PDE11A: variants seen among roughly 807,000 people sequenced by gnomAD.
PDE11A encodes the protein dual 3',5'-cyclic-AMP and -GMP phosphodiesterase 11A.
In PDE11A, 100 loss-of-function variants were observed where a neutral mutation model predicts 100.5. The observed-to-expected ratio is 1.00, with a 90% confidence interval of 0.85 to 1.18. The LOEUF (loss-of-function observed/expected upper bound fraction) is 1.18, where lower values mean the gene tolerates loss of function less well. PDE11A is among the 50% of genes most tolerant of loss of function. The probability of loss-of-function intolerance (pLI) is 0.00; values close to 1 mark genes in which losing one functional copy is unlikely to be tolerated. For missense variants in PDE11A, 1,141 were observed against 1,152.6 expected, an observed-to-expected ratio of 0.99 and a Z score of 0.15; for synonymous variants, 381 against 420.8, an observed-to-expected ratio of 0.91 and a Z score of 1.16.
intron 5 of PDE11A, among the ~76,000 whole-genome samples, chr2:177,853,702 G>T (rs1253790137): frequency 0.012 from 438 of 36,156 alleles, 26 homozygotes; most frequent in East Asian, 0.048. Context: ...GTGTGTGTGT[G>T]TGTGTGTGTG....
At chr2:177,709,776 A>G (rs1425888487) in intron 13 of PDE11A, among the ~76,000 whole-genome samples, 1 of 152,154 alleles carries the variant, frequency 6.6e-6, no homozygotes. Context: ...AGTTTCAGGA[A>G]GGAGGGAGCG....
chr2:177,736,238 G>A (rs986099152), intron 10 of PDE11A, among the ~76,000 whole-genome samples: 4 of 152,290 alleles, frequency 2.6e-5, no homozygotes, highest in Middle Eastern at 6.8e-3. Context: ...AGGGCCAGGC[G>A]TAGTGGCTCA....
At position 177,927,943 on chromosome 2, in the gene PDE11A, A is replaced by G. The variant is rs184533527; in HGVS notation, c.1072-22756T>C. On this transcript the variant is annotated intron_variant, in intron 2 of 19. Coordinates refer to ENST00000286063, the MANE Select transcript of PDE11A (RefSeq NM_016953.4). ...AACATGGAGAAACCCCGTCTCTACT[A>G]AAAATACAAAATTAGCCAGATGTGG... is the stretch of plus-strand genomic sequence containing the variant. 6.6e-4 allele frequency among the ~76,000 whole-genome samples: 101 copies of G among 152,098 alleles called. No homozygotes were observed. The East Asian group carries it at 0.017, about 26-fold the overall frequency.
At chr2:178,026,592 C>A (rs1291774402) in intron 1 of PDE11A, among the ~76,000 whole-genome samples, 2 of 150,174 alleles carry the variant, frequency 1.3e-5, no homozygotes, top group African/African-American at 4.9e-5. Flanking sequence ...ACCCAGGAGG[C>A]AGAGGTTGCA....
At chr2:177,871,348 C>G (rs984972411) in intron 5 of PDE11A, among the ~76,000 whole-genome samples, 2 of 151,882 alleles carry the variant, frequency 1.3e-5, no homozygotes, top group African/African-American at 4.8e-5. Flanking sequence ...GTGAAGGTCA[C>G]CAGTGCACCT....
rs188967258 is a variant in PDE11A, at chr2:178,035,394, A to C, written c.913-20934T>G. ...TTAAGGCAGTAATTAAGAGCCTACC[A>C]ACCAAAAAAAGCCCAGGACCAGATG... On this transcript the variant is annotated intron_variant, in intron 1 of 19. Coordinates refer to ENST00000286063, the MANE Select transcript of PDE11A (RefSeq NM_016953.4). 1.5e-4 allele frequency among the ~76,000 whole-genome samples: 23 copies of C among 152,356 alleles called. No homozygotes were observed. The East Asian group carries it at 3.5e-3, about 23-fold the overall frequency.
chr2:177,674,926 A>G lies in PDE11A; in HGVS notation c.2487+529T>C, dbSNP rs141302179. On this transcript the variant is annotated intron_variant, in intron 17 of 19. Coordinates refer to ENST00000286063, the MANE Select transcript of PDE11A (RefSeq NM_016953.4). ...TGGGTAGTTACTTAAATTGAAAACT[A>G]TTCTTATAGAACTAATGCTTTATGG... 1.8e-3 allele frequency among the ~76,000 whole-genome samples: 275 copies of G among 152,306 alleles called. 1 individual carries two copies. The highest frequency in any genetic ancestry group is 5.8e-3 in the African/African-American group (243 of 41,568).
rs549548123 is a variant in PDE11A at position 177,901,134 on chromosome 2, T to C, written c.1162-2936A>G. The stretch of plus-strand genomic sequence containing the variant: ...AATTATGGCTTAGGAGTCATACAGC[T>C]GACTCTTCCTAAACTGCTTCTCAGA... On this transcript the variant is annotated intron_variant, in intron 3 of 19. Coordinates refer to ENST00000286063, the MANE Select transcript of PDE11A (RefSeq NM_016953.4). Among the ~76,000 whole-genome samples the C allele has an allele frequency of 2.6e-5, 4 of 152,312 alleles. No individual in the cohort carries two copies. In the South Asian group the frequency reaches 8.3e-4, roughly 32 times the overall value.
intron 10 of PDE11A, among the ~76,000 whole-genome samples, chr2:177,735,382 GA>G (rs934763299): frequency 6.7e-6 from 1 of 149,936 alleles, no homozygotes; most frequent in Non-Finnish European, 1.5e-5. Flanking sequence ...CAAGAAGAAA[GA>G]AAAAACAATG....
chr2:178,019,475 A>T (rs2086379962), intron 1 of PDE11A, among the ~76,000 whole-genome samples: 1 of 152,170 alleles, frequency 6.6e-6, no homozygotes, highest in African/African-American at 2.4e-5. Context: ...TCTATGAAAT[A>T]AAATTTCTAA....
chr2:177,658,734 TA>T (rs1553535020), intron 19 of PDE11A, among the ~76,000 whole-genome samples: 2 of 150,134 alleles, frequency 1.3e-5, no homozygotes, highest in African/African-American at 4.9e-5. Context: ...TTTTTTTTTT[TA>T]ATATCTGATG....
intron 1 of PDE11A, among the ~76,000 whole-genome samples, chr2:178,047,441 C>T (rs1455754906): frequency 6.6e-6 from 1 of 150,658 alleles, no homozygotes; most frequent in Non-Finnish European, 1.5e-5. Context: ...ACAGCCTGGG[C>T]CACAGAGCAA....
intron 1 of PDE11A, among the ~76,000 whole-genome samples, chr2:178,064,280 T>C (rs2087011200): frequency 6.6e-6 from 1 of 152,194 alleles, no homozygotes; most frequent in African/African-American, 2.4e-5. Flanking sequence ...TTAATGAGGT[T>C]GTACAGAGAA....
intron 2 of PDE11A, among the ~76,000 whole-genome samples, chr2:177,940,317 C>A (rs1179987837): frequency 6.6e-6 from 1 of 152,000 alleles, no homozygotes; most frequent in Non-Finnish European, 1.5e-5. Context: ...TCTAAATCAA[C>A]CTATTTGTTG....
intron 4 of PDE11A, among the ~76,000 whole-genome samples, chr2:177,878,705 T>A (rs569955335): frequency 3.1e-4 from 47 of 152,284 alleles, no homozygotes; most frequent in Admixed American, 2.5e-3. Flanking sequence ...AGCAGGAAAT[T>A]GCAGAACCGA....
At chr2:177,818,043 T>C (rs2083072864) in intron 7 of PDE11A, 118 bp from the exon 8 acceptor site, 1 of 690,670 alleles carries the variant, frequency 1.4e-6, no homozygotes, top group African/African-American at 1.8e-5. Flanking sequence ...GTTTAAACTC[T>C]GGTCTCTCAA....
At chr2:178,038,932 T>G (rs1021110415) in intron 1 of PDE11A, 1 of 152,142 alleles carries the variant, frequency 6.6e-6, no homozygotes, top group Non-Finnish European at 1.5e-5. Flanking sequence ...TATACTAAAA[T>G]TGGCACAATA....
chr2:177,647,097 A>G (rs1574094371), intron 19 of PDE11A, among the ~76,000 whole-genome samples: 1 of 152,218 alleles, frequency 6.6e-6, no homozygotes, highest in Non-Finnish European at 1.5e-5. Flanking sequence ...TGGTTGGAAC[A>G]TGTAACTAAA....
chr2:177,920,871 G>A (rs2085030669), intron 2 of PDE11A, among the ~76,000 whole-genome samples: 1 of 151,992 alleles, frequency 6.6e-6, no homozygotes, highest in South Asian at 2.1e-4. Context: ...GACCATCCTG[G>A]CTAACACAGT....
Sources: allele counts gnomAD v4.1 joint callset (sites outside exome capture counted in the v4.1 genomes callset), GRCh38; gene constraint gnomAD v4.1.1; transcripts MANE v1.5; gene names NCBI Gene and HGNC (gene_info 2026-07-23, HGNC 2026-07-21).